The following STPG2 variants were observed in gnomAD, a reference collection of about 807,000 sequenced individuals.
STPG2 encodes the protein sperm-tail PG-rich repeat-containing protein 2.
STPG2 carries 56 observed loss-of-function variants against 54.2 expected under a neutral mutation model. The ratio of observed to expected loss-of-function variants is 1.03; its 90% CI spans 0.83 to 1.29. The LOEUF (loss-of-function observed/expected upper bound fraction) is 1.29. Among genes scored for constraint, STPG2 ranks in the 50% most tolerant of loss-of-function variants. STPG2 has a pLI of 0.00. For missense variants in STPG2, 596 were observed against 544.9 expected (o/e 1.09, Z -0.93); for synonymous variants, 200 against 181.8 (o/e 1.10, Z -0.81).
At chr4:97,652,390 T>C (rs1722096351) in intron 10 of STPG2, among the ~76,000 whole-genome samples, 1 of 151,842 alleles carries the variant, frequency 6.6e-6, no homozygotes, top group Non-Finnish European at 1.5e-5. Context: ...AAATCAGTCC[T>C]TTTTGTCTCT....
At chr4:97,677,561 C>T (rs1042865463) in intron 10 of STPG2, among the ~76,000 whole-genome samples, 1 of 152,188 alleles carries the variant, frequency 6.6e-6, no homozygotes, top group East Asian at 1.9e-4. Flanking sequence ...TCTCTAAGTA[C>T]TGGCCATTAG....
chr4:97,550,787 G>A (rs903346866), intron 4 of STPG2, among the ~76,000 whole-genome samples: 8 of 151,958 alleles, frequency 5.3e-5, no homozygotes, highest in African/African-American at 1.9e-4. Flanking sequence ...TTGACTTCAG[G>A]AGTGAAGCCA....
intron 10 of STPG2, among the ~76,000 whole-genome samples, chr4:97,594,983 C>A (rs1486652902): frequency 6.6e-6 from 1 of 152,116 alleles, no homozygotes; most frequent in Non-Finnish European, 1.5e-5. Context: ...GAAATAGGAA[C>A]ACTTTTACAC....
At chr4:97,776,831 A>C (rs1726393355) in intron 9 of STPG2, among the ~76,000 whole-genome samples, 1 of 152,136 alleles carries the variant, frequency 6.6e-6, no homozygotes, top group Non-Finnish European at 1.5e-5. Context: ...CTTTATTACT[A>C]TTGCCTTCTG....
intron 4 of STPG2, among the ~76,000 whole-genome samples, chr4:97,531,162 C>T (rs1048098432): frequency 5.9e-5 from 9 of 152,110 alleles, no homozygotes; most frequent in South Asian, 2.1e-4. Context: ...GATATATCAT[C>T]TCATCCCAGT....
At chr4:97,744,958 CA>C (rs1277254658) in intron 9 of STPG2, among the ~76,000 whole-genome samples, 2 of 151,344 alleles carry the variant, frequency 1.3e-5, no homozygotes, top group South Asian at 4.1e-4. Context: ...TCACATAAAA[CA>C]ACACTGCAAT....
intron 4 of STPG2, among the ~76,000 whole-genome samples, chr4:97,530,669 G>C (rs1438880166): frequency 6.6e-6 from 1 of 152,184 alleles, no homozygotes; most frequent in East Asian, 1.9e-4. Context: ...GAAAAGCACT[G>C]TTACAAGAAC....
intron 4 of STPG2, among the ~76,000 whole-genome samples, chr4:97,552,203 C>A (rs926185472): frequency 2.0e-5 from 3 of 152,000 alleles, no homozygotes; most frequent in Non-Finnish European, 4.4e-5. Context: ...AGAACATGGG[C>A]AAACTATTTC....
chr4:97,460,672 A>G (rs973037610), intron 4 of STPG2, among the ~76,000 whole-genome samples: 1 of 152,224 alleles, frequency 6.6e-6, no homozygotes, highest in Non-Finnish European at 1.5e-5. Context: ...TTTTCAAAAA[A>G]TGAACACTGC....
intron 5 of STPG2, among the ~76,000 whole-genome samples, chr4:98,031,289 T>C (rs1458992922): frequency 6.6e-6 from 1 of 152,166 alleles, no homozygotes; most frequent in South Asian, 2.1e-4. Flanking sequence ...GACCTGAAAC[T>C]AAAAATTCTA....
At chr4:97,489,095 T>C (rs947920320) in intron 4 of STPG2, among the ~76,000 whole-genome samples, 7 of 151,614 alleles carry the variant, frequency 4.6e-5, no homozygotes, top group African/African-American at 1.5e-4. Flanking sequence ...GATCTGATGG[T>C]TTTAAAAACA....
At chr4:97,866,603 T>G (rs1729791020) in intron 8 of STPG2, among the ~76,000 whole-genome samples, 2 of 151,974 alleles carry the variant, frequency 1.3e-5, no homozygotes, top group African/African-American at 4.8e-5. Context: ...TACTGCAAAT[T>G]GTGATGTTGA....
intron 5 of STPG2, among the ~76,000 whole-genome samples, chr4:98,063,675 C>T (rs1274447807): frequency 8.7e-6 from 1 of 115,292 alleles, no homozygotes; most frequent in Non-Finnish European, 1.9e-5. Flanking sequence ...GTAAATTCAC[C>T]ACTTTGAGGG....
chr4:98,131,811 C>T (rs939069011), intron 2 of STPG2, among the ~76,000 whole-genome samples: 1 of 152,130 alleles, frequency 6.6e-6, no homozygotes, highest in East Asian at 1.9e-4. Flanking sequence ...AAAAATCCCA[C>T]TTCTGTATCT....
chr4:98,023,294 T>C (rs914157239), intron 5 of STPG2, among the ~76,000 whole-genome samples: 1 of 152,170 alleles, frequency 6.6e-6, no homozygotes, highest in Non-Finnish European at 1.5e-5. Flanking sequence ...CCAGACCCTG[T>C]TTGCCTGGGT....
chr4:97,728,176 T>G (rs1724680802), intron 9 of STPG2, among the ~76,000 whole-genome samples: 1 of 151,964 alleles, frequency 6.6e-6, no homozygotes, highest in Admixed American at 6.6e-5. Context: ...TGCAAGAAAC[T>G]TATTCATTTA....
intron 8 of STPG2, among the ~76,000 whole-genome samples, chr4:97,874,450 C>A (rs1238948021): frequency 6.6e-6 from 1 of 151,674 alleles, no homozygotes; most frequent in East Asian, 1.9e-4. Context: ...ACAATCACAA[C>A]AATCAAACAA....
chr4:97,842,737 A>G (rs575107153), intron 8 of STPG2, among the ~76,000 whole-genome samples: 2 of 151,986 alleles, frequency 1.3e-5, no homozygotes, highest in African/African-American at 2.4e-5. Flanking sequence ...AAGTTTGTCA[A>G]ACTAGTTCCT....
At chr4:97,800,496 G>A (rs1231251164) in intron 9 of STPG2, among the ~76,000 whole-genome samples, 1 of 152,208 alleles carries the variant, frequency 6.6e-6, no homozygotes, top group African/African-American at 2.4e-5. Flanking sequence ...GCAGAATAGC[G>A]AATATTGCTG....
Sources: gnomAD v4.1 joint callset for allele counts (sites outside exome capture counted in the v4.1 genomes callset) on GRCh38, gnomAD v4.1.1 for gene constraint, MANE v1.5 for transcripts, NCBI Gene and HGNC (gene_info 2026-07-23, HGNC 2026-07-21) for gene names.